XKR6: variants seen among roughly 807,000 people sequenced by gnomAD.
XKR6 encodes XK related 6.
A neutral mutation model predicts 56.7 loss-of-function variants in XKR6; 22 were observed. The observed-to-expected ratio is 0.39, with a 90% CI of 0.28 to 0.55. The LOEUF is 0.55. XKR6 is among the 20% of genes least tolerant of loss of function. The pLI is 0.66. For synonymous variants in XKR6, 524 were observed against 387.8 expected (o/e 1.35, Z -4.13); for missense variants, 852 against 889.0 (o/e 0.96, Z 0.53).
chr8:11,016,953 G>C (rs1798639171), intron 1 of XKR6, among the ~76,000 whole-genome samples: 1 of 152,232 alleles, frequency 6.6e-6, no homozygotes, highest in Non-Finnish European at 1.5e-5. Flanking sequence ...AGATAGATTA[G>C]AGAGATTAGA....
chr8:10,912,179 T>C (rs1404166300), intron 2 of XKR6, among the ~76,000 whole-genome samples: 1 of 148,128 alleles, frequency 6.8e-6, no homozygotes, highest in Non-Finnish European at 1.5e-5. Flanking sequence ...ATAGAGGGTA[T>C]GTGTATATAT....
At chr8:11,000,073 C>T (rs1007271637) in intron 1 of XKR6, among the ~76,000 whole-genome samples, 1 of 152,168 alleles carries the variant, frequency 6.6e-6, no homozygotes, top group Non-Finnish European at 1.5e-5. Context: ...TAAGCCAACA[C>T]ACTCATGTTA....
At position 11,196,452 on chromosome 8, in the gene XKR6, A is replaced by C. The variant is rs116440643; in HGVS notation, c.764+4124T>G. Among the ~76,000 whole-genome samples the C allele has an allele frequency of 4.6e-3, 702 of 152,186 alleles. 4 individuals are homozygous for C. Among genetic ancestry groups the C allele is most frequent in the African/African-American group, 0.012 (490 of 41,482 alleles). ...ACAAAACAAAAAAAACAACAACAAC[A>C]ACCAAAAAAAACAGAAAACATGGAG... On this transcript the variant is annotated intron_variant, in intron 1 of 2. Transcript: ENST00000416569.
intron 1 of XKR6, among the ~76,000 whole-genome samples, chr8:11,151,467 G>C (rs1801264463): frequency 6.6e-6 from 1 of 152,134 alleles, no homozygotes. Context: ...GTTCTGTTGA[G>C]AATGGCAAGA....
At chr8:10,993,383 A>T (rs1798037587) in intron 1 of XKR6, among the ~76,000 whole-genome samples, 1 of 152,218 alleles carries the variant, frequency 6.6e-6, no homozygotes, top group South Asian at 2.1e-4. Flanking sequence ...AAAGGAAAGA[A>T]AGCGGGTGGG....
intron 1 of XKR6, among the ~76,000 whole-genome samples, chr8:11,030,597 C>G (rs997550101): frequency 2.6e-5 from 4 of 152,172 alleles, no homozygotes; most frequent in Admixed American, 6.5e-5. Flanking sequence ...CTGCAAGGGT[C>G]CCTTACAACC....
rs540722871 is a variant in XKR6, at chr8:10,987,655, C to T, written c.765-62825G>A. Among the ~76,000 whole-genome samples, 11 of 152,302 alleles carry T rather than the reference C, an allele frequency of 7.2e-5. 1 individual carries two copies. The South Asian group carries it at 2.3e-3, about 32-fold the overall frequency. ...GGGACCACGTTAAACTGTAATCATA[C>T]CCTGTCTCTTCTCTGCTCAAAGCCC... On this transcript the variant is annotated intron_variant, in intron 1 of 2. Transcript: ENST00000416569.
intron 1 of XKR6, among the ~76,000 whole-genome samples, chr8:11,142,913 A>T (rs546915072): frequency 5.9e-5 from 9 of 152,310 alleles, no homozygotes; most frequent in African/African-American, 2.2e-4. Context: ...CGATTTTTTT[A>T]AAAAAGAAAA....
chr8:11,120,052 A>C (rs1177446777), intron 1 of XKR6, among the ~76,000 whole-genome samples: 1 of 152,234 alleles, frequency 6.6e-6, no homozygotes, highest in Non-Finnish European at 1.5e-5. Flanking sequence ...AATAAGAGCT[A>C]TCTATGACAA....
At chr8:11,017,254 T>C (rs1474314886) in intron 1 of XKR6, among the ~76,000 whole-genome samples, 1 of 152,210 alleles carries the variant, frequency 6.6e-6, no homozygotes, top group African/African-American at 2.4e-5. Flanking sequence ...GATGGATGGA[T>C]ATGCGTATAG....
intron 1 of XKR6, among the ~76,000 whole-genome samples, chr8:11,079,269 G>C (rs1800352853): frequency 6.6e-6 from 1 of 152,242 alleles, no homozygotes; most frequent in Non-Finnish European, 1.5e-5. Flanking sequence ...GGGAATGAGA[G>C]ATGACCTAAC....
chr8:11,135,229 C>A (rs1800326248), intron 1 of XKR6, among the ~76,000 whole-genome samples: 1 of 152,078 alleles, frequency 6.6e-6, no homozygotes, highest in South Asian at 2.1e-4. Context: ...TGGGGTTTCA[C>A]CATGTTAGCC....
At chr8:11,014,735 A>C (rs1258480307) in intron 1 of XKR6, among the ~76,000 whole-genome samples, 1 of 152,202 alleles carries the variant, frequency 6.6e-6, no homozygotes, top group Non-Finnish European at 1.5e-5. Context: ...CATAAGACCC[A>C]GAAGACCGTG....
chr8:11,028,808 G>A (rs576475722), intron 1 of XKR6, among the ~76,000 whole-genome samples: 11 of 152,150 alleles, frequency 7.2e-5, no homozygotes, highest in African/African-American at 2.4e-4. Context: ...TATGGCCCAG[G>A]CACTATGACA....
intron 1 of XKR6, among the ~76,000 whole-genome samples, chr8:11,051,789 A>C (rs898741801): frequency 6.6e-6 from 1 of 152,122 alleles, no homozygotes; most frequent in Non-Finnish European, 1.5e-5. Flanking sequence ...AAGCCCTCCA[A>C]TAGCTTAGCC....
chr8:10,924,620 C>T lies in XKR6; in HGVS notation c.961+14G>A, dbSNP rs368030191. ...GCAGGCCGGGGTGGCGGGGCGCGGC[C>T]GGCGGGCACTCACAGGGCAGGGTCT... On this transcript the variant is annotated intron_variant, in intron 2 of 2. Transcript: ENST00000416569. The T allele has an allele frequency of 3.6e-5, 58 of 1,592,232 alleles. No individual in the cohort carries two copies. The highest frequency in any genetic ancestry group is 4.5e-4 in the Middle Eastern group (2 of 4,452).
chr8:11,042,717 G>T (rs557890895), intron 1 of XKR6, among the ~76,000 whole-genome samples: 1 of 152,246 alleles, frequency 6.6e-6, no homozygotes, highest in Non-Finnish European at 1.5e-5. Context: ...TGAGCATCAT[G>T]TGGGTGCTCA....
intron 1 of XKR6, among the ~76,000 whole-genome samples, chr8:11,091,771 T>C (rs1798081001): frequency 6.6e-6 from 1 of 152,310 alleles, no homozygotes; most frequent in Non-Finnish European, 1.5e-5. Context: ...CTGAAGAAAC[T>C]GAAGCCCAGC....
chr8:10,901,586 A>T (rs553922391), intron 2 of XKR6, among the ~76,000 whole-genome samples: 31 of 152,326 alleles, frequency 2.0e-4, no homozygotes, highest in Admixed American at 1.6e-3. Flanking sequence ...TCACTGCTTG[A>T]TGTTAATCAT....
Sources: gnomAD v4.1 joint callset for allele counts (sites outside exome capture counted in the v4.1 genomes callset) on GRCh38, gnomAD v4.1.1 for gene constraint, MANE v1.5 for transcripts, NCBI Gene and HGNC (gene_info 2026-07-23, HGNC 2026-07-21) for gene names.